IGF2R: variants seen among roughly 807,000 people sequenced by gnomAD.
IGF2R encodes the protein insulin like growth factor 2 receptor, also known as cation-independent mannose-6-phosphate receptor.
IGF2R carries 91 observed loss-of-function variants against 270.6 expected under a neutral mutation model. The observed-to-expected ratio is 0.34, with a 90% CI of 0.28 to 0.40. The LOEUF is 0.40. IGF2R is among the 10% of genes least tolerant of loss of function. IGF2R has a pLI of 1.00. For synonymous variants in IGF2R, 1,316 were observed against 1,258.9 expected (o/e 1.05, Z -0.96); for missense variants, 2,805 against 3,188.3 (o/e 0.88, Z 2.90).
In IGF2R at chr6:159,986,980, T is replaced by C. The variant is rs78273269; in HGVS notation, c.150-4204T>C. On this transcript the variant is annotated intron_variant, in intron 1 of 47. Transcript: ENST00000356956. ...AAAAATTTATTATTCCTCAAAGATA[T>C]CATTACATTTTATTTAGTCTGTAAT... 7.3e-4 allele frequency among the ~76,000 whole-genome samples: 111 copies of C among 152,326 alleles called. 1 individual carries two copies. The highest frequency in any genetic ancestry group is 2.6e-3 in the African/African-American group (109 of 41,562).
chr6:160,009,789 A>AC lies in IGF2R; in HGVS notation c.414+655_414+656insC, dbSNP rs566827768. Among the ~76,000 whole-genome samples, 309 of 152,356 alleles carry AC rather than the reference A, an allele frequency of 2.0e-3. 4 individuals carry two copies. Among genetic ancestry groups the AC allele is most frequent in the African/African-American group, 7.2e-3 (301 of 41,586 alleles). Reference sequence around the variant, plus strand: ...ATGAATGTTCTTGAATCCCAGTAAGAACCCAATCTTTAGGAAAGTCAGGTT... The same window carrying AC: ...ATGAATGTTCTTGAATCCCAGTAAGACACCCAATCTTTAGGAAAGTCAGGTT... On this transcript the variant is annotated intron_variant, in intron 3 of 47. Transcript: ENST00000356956.
intron 4 of IGF2R, among the ~76,000 whole-genome samples, chr6:160,016,315 G>A (rs9347380): frequency 0.27 from 41,115 of 152,114 alleles, 5,701 homozygotes; most frequent in South Asian, 0.34. Context: ...GCTGATCACC[G>A]TTGGGGCCAG....
At chr6:160,042,612 T>A (rs1412634258) in intron 11 of IGF2R, among the ~76,000 whole-genome samples, 1 of 152,198 alleles carries the variant, frequency 6.6e-6, no homozygotes, top group African/African-American at 2.4e-5. Flanking sequence ...GTCTTGTGAG[T>A]TCAGCGGCCA....
chr6:160,020,687 A>C (rs1321784880), intron 4 of IGF2R, among the ~76,000 whole-genome samples: 1 of 152,210 alleles, frequency 6.6e-6, no homozygotes, highest in Non-Finnish European at 1.5e-5. Context: ...AAAAACATAC[A>C]CTGGGGAAAG....
intron 1 of IGF2R, among the ~76,000 whole-genome samples, chr6:159,982,033 A>T (rs192634006): frequency 9.3e-4 from 142 of 152,324 alleles, no homozygotes; most frequent in Non-Finnish European, 1.7e-3. Context: ...CTTCCTATAT[A>T]AGCTCTGGCC....
chr6:159,997,494 G>A (rs965722946), intron 2 of IGF2R, among the ~76,000 whole-genome samples: 4 of 152,112 alleles, frequency 2.6e-5, no homozygotes, highest in Non-Finnish European at 5.9e-5. Flanking sequence ...ATTGCTGCCC[G>A]CACCAGTGTT....
Position 160,108,383 on chromosome 6 carries a change from G to A in IGF2R, c.*3299G>A, listed in dbSNP as rs971642302. ...GAAGCAAGCCCAGAACTTGGAGCCT[G>A]TTGTGACTGTCACAGTAAGGAGTTT... On this transcript the variant is annotated 3_prime_UTR_variant, in exon 48 of 48. Coordinates refer to ENST00000356956, the MANE Select transcript of IGF2R (RefSeq NM_000876.4). 6.6e-6 allele frequency: 1 copy of A among 152,520 alleles called. No homozygotes were observed. Among genetic ancestry groups the A allele is most frequent in the Admixed American group, 6.5e-5 (1 of 15,284 alleles). 9.4% of individuals were successfully genotyped at this position (152,520 alleles called of 1,614,324 possible). A position where few individuals can be genotyped will look rare whatever the true frequency, so the allele number is the denominator to read the frequency against.
At chr6:160,054,398 G>A (rs997422063) in intron 19 of IGF2R, among the ~76,000 whole-genome samples, 9 of 152,172 alleles carry the variant, frequency 5.9e-5, no homozygotes, top group Non-Finnish European at 1.3e-4. Flanking sequence ...CCCTCTGTGT[G>A]CAGCCTCCTT....
rs8191807 is a variant in IGF2R at position 160,048,370 on chromosome 6, T to C, written c.2346-5T>C. 1.2e-5 allele frequency: 20 copies of C among 1,613,956 alleles called. No homozygotes were observed. Among genetic ancestry groups the C allele is most frequent in the Admixed American group, 1.2e-4 (7 of 60,012 alleles). ...AAGCATATACATTTTGCTTTGAAAT[T>C]TTAGTCTGGCAAAATCTGAAGGTGG... On this transcript the variant is annotated splice_polypyrimidine_tract_variant and splice_region_variant and intron_variant, in intron 17 of 47. Coordinates refer to ENST00000356956, the MANE Select transcript of IGF2R (RefSeq NM_000876.4).
chr6:160,042,083 C>G (rs747795554), intron 11 of IGF2R, among the ~76,000 whole-genome samples: 2 of 152,040 alleles, frequency 1.3e-5, no homozygotes, highest in Non-Finnish European at 2.9e-5. Flanking sequence ...CTACAGACTT[C>G]CTGACATAGC....
At chr6:159,992,566 C>T (rs1783995027) in intron 2 of IGF2R, among the ~76,000 whole-genome samples, 1 of 151,584 alleles carries the variant, frequency 6.6e-6, no homozygotes, top group Non-Finnish European at 1.5e-5. Flanking sequence ...TTATGGCCAA[C>T]ATGTGGAATT....
chr6:160,009,145 A>G lies in IGF2R; in HGVS notation c.414+11A>G, dbSNP rs1432332417. On this transcript the variant is annotated intron_variant, in intron 3 of 47. Transcript: ENST00000356956. ...TGTGGGAAAACCCTGGTGAGTCCAC[A>G]CAGGCACTTGATGTATTTCTTTAAA... The G allele has an allele frequency of 2.5e-6, 4 of 1,609,864 alleles. No individual in the cohort carries two copies. Among genetic ancestry groups the G allele is most frequent in the Non-Finnish European group, 3.4e-6 (4 of 1,178,338 alleles).
At position 160,047,350 on chromosome 6, in the gene IGF2R, T is replaced by TC. The variant is rs748852423; in HGVS notation, c.2229+14_2229+15insC. The TC allele has an allele frequency of 3.2e-6, 5 of 1,567,444 alleles. No homozygotes were observed. The highest frequency in any genetic ancestry group is 1.4e-5 in the African/African-American group (1 of 73,846). On this transcript the variant is annotated intron_variant, in intron 16 of 47. Coordinates refer to ENST00000356956, the MANE Select transcript of IGF2R (RefSeq NM_000876.4). ...CCTGAATATCAGGTAGGAATGTTTGTTCCTCATCGCGCTCCCTGAGGATAC... is the reference window on the plus strand; with the variant it reads ...CCTGAATATCAGGTAGGAATGTTTGTCTCCTCATCGCGCTCCCTGAGGATAC...
intron 11 of IGF2R, among the ~76,000 whole-genome samples, chr6:160,041,688 G>A (rs1316863561): frequency 6.6e-6 from 1 of 152,224 alleles, no homozygotes; most frequent in Non-Finnish European, 1.5e-5. Context: ...GTTAGAAAGA[G>A]GAATCCCTCT....
At chr6:160,039,027 C>T (rs1777884822) in intron 10 of IGF2R, among the ~76,000 whole-genome samples, 1 of 152,104 alleles carries the variant, frequency 6.6e-6, no homozygotes, top group Non-Finnish European at 1.5e-5. Flanking sequence ...GTACCTTTGC[C>T]ATGGGGTTTT....
chr6:160,064,503 T>C lies in IGF2R; in HGVS notation c.3989T>C (p.Phe1330Ser). The C allele has an allele frequency of 6.2e-7, 1 of 1,614,208 alleles. No homozygotes were observed. Among genetic ancestry groups the C allele is most frequent in the South Asian group, 1.1e-5 (1 of 91,092 alleles). Residue 1330 changes from phenylalanine (F) to serine (S), a missense_variant, in exon 28 of 48, where the codon TTC (phenylalanine) becomes TCC (serine). Coordinates refer to ENST00000356956, the MANE Select transcript of IGF2R (RefSeq NM_000876.4). ...HKVYQRSTAI[F>S]FYCDRGTQRP... is the part of the protein sequence containing the mutation. ...GTTTATCAGCGCTCCACAGCCATCT[T>C]CTTCTACTGTGACCGCGGCACCCAG...
intron 1 of IGF2R, among the ~76,000 whole-genome samples, chr6:159,978,364 C>G (rs150638992): frequency 6.6e-6 from 1 of 151,440 alleles, no homozygotes; most frequent in Non-Finnish European, 1.5e-5. Flanking sequence ...GGATGGGGGC[C>G]GGGGGTCACC....
intron 1 of IGF2R, among the ~76,000 whole-genome samples, chr6:159,980,368 A>C (rs1783781164): frequency 6.6e-6 from 1 of 152,068 alleles, no homozygotes; most frequent in South Asian, 2.1e-4. Flanking sequence ...AGATAGCATG[A>C]GCTCTGGAGC....
rs767905421 is a variant in IGF2R, at chr6:160,080,320, T to C, written c.5833+45T>C. On this transcript the variant is annotated intron_variant, in intron 39 of 47. Coordinates refer to ENST00000356956, the MANE Select transcript of IGF2R (RefSeq NM_000876.4). Reference sequence around the variant, plus strand: ...GTCCCCACATGGCCTGGGGCCTTGATACTGTCAAGGCTCGATTCACACTGA... The same window carrying C: ...GTCCCCACATGGCCTGGGGCCTTGACACTGTCAAGGCTCGATTCACACTGA... 8.2e-6 allele frequency: 13 copies of C among 1,585,094 alleles called. No homozygotes were observed. The Admixed American group carries it at 1.5e-4, about 19-fold the overall frequency.
Sources: allele counts gnomAD v4.1 joint callset (sites outside exome capture counted in the v4.1 genomes callset), GRCh38; gene constraint gnomAD v4.1.1; transcripts MANE v1.5; gene names NCBI Gene and HGNC (gene_info 2026-07-23, HGNC 2026-07-21).